Variants in LSM6 observed in about 807,000 individuals in gnomAD.
LSM6 encodes the protein U6 snRNA-associated Sm-like protein LSm6.
In LSM6, 2 loss-of-function variants were observed where a neutral mutation model predicts 13.5. The ratio of observed to expected loss-of-function variants is 0.15; its 90% CI spans 0.06 to 0.47. LSM6 has a LOEUF of 0.47. LSM6 is among the 20% of genes least tolerant of loss of function. The pLI is 0.97. For synonymous variants in LSM6, 43 were observed against 34.9 expected (o/e 1.23, Z -0.82); for missense variants, 58 against 96.4 (o/e 0.60, Z 1.67).
In LSM6 at chr4:146,182,431, C is replaced by A. The variant is rs183990687; in HGVS notation, c.-10-481C>A. Among the ~76,000 whole-genome samples the A allele has an allele frequency of 1.1e-4, 16 of 152,262 alleles. No homozygotes were observed. In the East Asian group the frequency reaches 2.9e-3, roughly 28 times the overall value. On this transcript the variant is annotated intron_variant, in intron 1 of 3. Coordinates refer to ENST00000296581, the MANE Select transcript of LSM6 (RefSeq NM_007080.3). The stretch of plus-strand genomic sequence containing the variant: ...GAACAAATTATTTAATCTTTCTGTG[C>A]CTTTACTTTTCATCAGCAAAATGAG...
intron 3 of LSM6, chr4:146,187,598 G>C (rs1730375827): frequency 2.2e-6 from 1 of 451,384 alleles, no homozygotes; most frequent in South Asian, 2.6e-5. Flanking sequence ...CCTTCCTTTA[G>C]TGATGAGGAA....
chr4:146,183,197 A>G (rs1730270012), intron 2 of LSM6, 182 bp downstream of exon 2: 1 of 488,310 alleles, frequency 2.0e-6, no homozygotes, highest in African/African-American at 2.0e-5. Flanking sequence ...CTCTGACAGT[A>G]TAGCATGTGC....
At chr4:146,183,095 T>C (rs1263380119) in intron 2 of LSM6, 80 bp downstream of exon 2, 1 of 1,048,916 alleles carries the variant, frequency 9.5e-7, no homozygotes, top group Non-Finnish European at 1.5e-6. Context: ...ACCTCTTAAG[T>C]ATACCCAATA....
chr4:146,187,440 T>C, intron 3 of LSM6, 53 bp downstream of exon 3: 1 of 1,138,428 alleles, frequency 8.8e-7, no homozygotes, highest in South Asian at 1.3e-5. Flanking sequence ...TTTCTATTTA[T>C]AATCCAGATC....
intron 1 of LSM6, among the ~76,000 whole-genome samples, chr4:146,176,987 C>G (rs1730125244): frequency 1.3e-5 from 2 of 151,868 alleles, no homozygotes; most frequent in African/African-American, 4.8e-5. Context: ...ATTTTACTTG[C>G]TTAAATATTG....
chr4:146,180,199 A>G (rs1345236777), intron 1 of LSM6, among the ~76,000 whole-genome samples: 1 of 152,238 alleles, frequency 6.6e-6, no homozygotes, highest in East Asian at 1.9e-4. Flanking sequence ...CCTTTTGTGC[A>G]TAATTCTATC....
At chr4:146,179,886 G>C (rs923296465) in intron 1 of LSM6, among the ~76,000 whole-genome samples, 1 of 152,120 alleles carries the variant, frequency 6.6e-6, no homozygotes, top group Non-Finnish European at 1.5e-5. Context: ...CAAATAGATT[G>C]CTGGCTCCTA....
At chr4:146,185,662 C>T (rs1578680753) in intron 2 of LSM6, among the ~76,000 whole-genome samples, 2 of 150,984 alleles carry the variant, frequency 1.3e-5, no homozygotes, top group African/African-American at 2.4e-5. Flanking sequence ...GTTGTTGTTG[C>T]TTGTTTGTTT....
intron 1 of LSM6, among the ~76,000 whole-genome samples, chr4:146,182,018 T>C (rs1256739105): frequency 6.6e-6 from 1 of 152,230 alleles, no homozygotes; most frequent in Non-Finnish European, 1.5e-5. Flanking sequence ...ATATCTGCTA[T>C]AGTCCTAATA....
chr4:146,177,324 CT>C (rs2110876515), intron 1 of LSM6, among the ~76,000 whole-genome samples: 1 of 152,324 alleles, frequency 6.6e-6, no homozygotes, highest in East Asian at 1.9e-4. Context: ...TTTACATCAC[CT>C]GGGTTATTCT....
At position 146,189,810 on chromosome 4, in the gene LSM6, G is replaced by T; in HGVS notation, c.*154G>T. 3.6e-6 allele frequency: 2 copies of T among 558,802 alleles called. No individual in the cohort carries two copies. Among genetic ancestry groups the T allele is most frequent in the South Asian group, 2.7e-5 (1 of 36,608 alleles). 34.6% of individuals were successfully genotyped at this position (558,802 alleles called of 1,614,324 possible). A position where few individuals can be genotyped will look rare whatever the true frequency, so the allele number is the denominator to read the frequency against. ...AGTAAGATAAATGTATACAATTGTGGATTTAATTGTGAAATGTTCTTTCAC... is the reference window on the plus strand; with the variant it reads ...AGTAAGATAAATGTATACAATTGTGTATTTAATTGTGAAATGTTCTTTCAC... On this transcript the variant is annotated 3_prime_UTR_variant, in exon 4 of 4. Transcript: ENST00000296581.
intron 1 of LSM6, among the ~76,000 whole-genome samples, chr4:146,181,499 C>T (rs1466964219): frequency 6.6e-6 from 1 of 152,150 alleles, no homozygotes; most frequent in Admixed American, 6.5e-5. Flanking sequence ...ACTGCTGATC[C>T]CGTGTGAATT....
At chr4:146,180,930 A>C (rs1194180637) in intron 1 of LSM6, 1 of 152,256 alleles carries the variant, frequency 6.6e-6, no homozygotes, top group Non-Finnish European at 1.5e-5. Context: ...CACTAAACTC[A>C]TTAAAGGTAC....
intron 2 of LSM6, among the ~76,000 whole-genome samples, chr4:146,185,634 C>G (rs2110888130): frequency 6.6e-6 from 1 of 151,468 alleles, no homozygotes; most frequent in Non-Finnish European, 1.5e-5. Flanking sequence ...TTCTAACCCC[C>G]TGGGCAGTTT....
chr4:146,189,896 A>C lies in LSM6; in HGVS notation c.*240A>C, dbSNP rs11556784. 3 of 396,422 alleles carry C rather than the reference A, an allele frequency of 7.6e-6. No individual in the cohort carries two copies. Among genetic ancestry groups the C allele is most frequent in the African/African-American group, 2.1e-5 (1 of 47,800 alleles). The allele number at this position is 396,422 out of a possible 1,614,324, so 24.6% of individuals were successfully genotyped here. A position where few individuals can be genotyped will look rare whatever the true frequency, so the allele number is the denominator to read the frequency against. On this transcript the variant is annotated 3_prime_UTR_variant, in exon 4 of 4. Transcript: ENST00000296581. ...CAGTGTACAGAATGCTAAAATAATT[A>C]AAAAAAGACAAAATATACCTCTTCC...
chr4:146,178,093 T>A (rs558592869), intron 1 of LSM6, among the ~76,000 whole-genome samples: 29 of 152,342 alleles, frequency 1.9e-4, no homozygotes, highest in Admixed American at 1.8e-3. Flanking sequence ...TTTGTTGAAG[T>A]ACATGCATGA....
At chr4:146,180,528 A>T (rs1444330095) in intron 1 of LSM6, among the ~76,000 whole-genome samples, 1 of 152,234 alleles carries the variant, frequency 6.6e-6, no homozygotes, top group African/African-American at 2.4e-5. Context: ...CAAGCAACTG[A>T]TAGTCAAGAT....
chr4:146,181,894 G>T (rs1379358371), intron 1 of LSM6, among the ~76,000 whole-genome samples: 1 of 152,192 alleles, frequency 6.6e-6, no homozygotes, highest in Non-Finnish European at 1.5e-5. Flanking sequence ...GGAGTGATGT[G>T]CAGCTTTGCA....
At chr4:146,182,797 C>T (rs548045483) in intron 1 of LSM6, 115 bp from the exon 2 acceptor site, 46 of 648,228 alleles carry the variant, frequency 7.1e-5, no homozygotes, top group South Asian at 3.5e-4. Context: ...CGCGTCTTCT[C>T]GCATGGTCCT....
Sources: gnomAD v4.1 joint callset for allele counts (sites outside exome capture counted in the v4.1 genomes callset) on GRCh38, gnomAD v4.1.1 for gene constraint, MANE v1.5 for transcripts, NCBI Gene and HGNC (gene_info 2026-07-23, HGNC 2026-07-21) for gene names.